CSNK1G3: variants seen among roughly 807,000 people sequenced by gnomAD.
CSNK1G3 encodes the protein casein kinase I isoform gamma-3.
CSNK1G3 carries 23 observed loss-of-function variants against 64.3 expected under a neutral mutation model. The observed-to-expected ratio is 0.36, with a 90% CI of 0.26 to 0.51. The LOEUF (loss-of-function observed/expected upper bound fraction) is 0.51, where lower values mean the gene tolerates loss of function less well. CSNK1G3 is among the 20% of genes least tolerant of loss of function. The pLI is 0.96. For missense variants in CSNK1G3, 357 were observed against 510.5 expected (o/e 0.70, Z 2.90); for synonymous variants, 158 against 162.2 (o/e 0.97, Z 0.20).
At chr5:123,578,050 A>G (rs1252310474) in intron 6 of CSNK1G3, among the ~76,000 whole-genome samples, 2 of 151,896 alleles carry the variant, frequency 1.3e-5, no homozygotes, top group Non-Finnish European at 2.9e-5. Context: ...TTCTTTTTTA[A>G]TGCTAAGTAA....
chr5:123,604,468 G>C (rs896377321), intron 10 of CSNK1G3, among the ~76,000 whole-genome samples: 11 of 151,924 alleles, frequency 7.2e-5, no homozygotes, highest in African/African-American at 2.4e-4. Context: ...GGAGACAGAA[G>C]ACACAGATTT....
At chr5:123,551,265 A>G (rs1581072907) in intron 2 of CSNK1G3, among the ~76,000 whole-genome samples, 1 of 152,226 alleles carries the variant, frequency 6.6e-6, no homozygotes, top group Admixed American at 6.5e-5. Flanking sequence ...TTTACTGCCA[A>G]GTTTACTAGA....
intron 4 of CSNK1G3, among the ~76,000 whole-genome samples, chr5:123,571,534 G>C (rs927939185): frequency 6.6e-6 from 1 of 152,094 alleles, no homozygotes; most frequent in African/African-American, 2.4e-5. Context: ...TAATAGATAA[G>C]TAAACTGAGG....
chr5:123,556,628 T>A (rs1465789811), intron 3 of CSNK1G3, among the ~76,000 whole-genome samples: 1 of 152,084 alleles, frequency 6.6e-6, no homozygotes, highest in African/African-American at 2.4e-5. Flanking sequence ...TTTTTGAAAT[T>A]TTCTATTACC....
chr5:123,542,583 T>G (rs1781845652), intron 1 of CSNK1G3, among the ~76,000 whole-genome samples: 2 of 152,200 alleles, frequency 1.3e-5, no homozygotes, highest in African/African-American at 4.8e-5. Flanking sequence ...ATGGCTTTTT[T>G]TCTCCCTGTT....
intron 4 of CSNK1G3, 152 bp downstream of exon 4, chr5:123,557,716 TTTTA>T (rs1784898539): frequency 3.6e-6 from 2 of 562,002 alleles, no homozygotes; most frequent in African/African-American, 2.0e-5. Flanking sequence ...AGGATCCCTT[TTTTA>T]TTTTATGACA....
chr5:123,538,827 G>C (rs1470121833), intron 1 of CSNK1G3, among the ~76,000 whole-genome samples: 2 of 152,042 alleles, frequency 1.3e-5, no homozygotes, highest in East Asian at 3.8e-4. Flanking sequence ...GTTTGTATTT[G>C]TTTTTTAAAG....
At chr5:123,610,847 G>C (rs772633862) in intron 12 of CSNK1G3, among the ~76,000 whole-genome samples, 3 of 152,098 alleles carry the variant, frequency 2.0e-5, no homozygotes, top group African/African-American at 7.2e-5. Flanking sequence ...CCAGCTCGGC[G>C]CCTGTAGTCC....
At chr5:123,585,842 A>G (rs1487203620) in intron 6 of CSNK1G3, among the ~76,000 whole-genome samples, 1 of 152,254 alleles carries the variant, frequency 6.6e-6, no homozygotes, top group African/African-American at 2.4e-5. Context: ...CATTGCTGGT[A>G]GAAATGTGAA....
chr5:123,516,672 T>G (rs1012342895), intron 1 of CSNK1G3, among the ~76,000 whole-genome samples: 2 of 152,226 alleles, frequency 1.3e-5, no homozygotes, highest in African/African-American at 4.8e-5. Flanking sequence ...TCGCTTTGTT[T>G]ACCAATGATA....
intron 1 of CSNK1G3, among the ~76,000 whole-genome samples, chr5:123,526,879 TGTATGA>T (rs1394848739): frequency 1.1e-5 from 1 of 93,416 alleles, no homozygotes; most frequent in African/African-American, 5.5e-5. Context: ...TGTGTGTGTG[TGTATGA>T]ACATAATTTT....
At chr5:123,552,552 G>C (rs1783893975) in intron 2 of CSNK1G3, among the ~76,000 whole-genome samples, 2 of 152,076 alleles carry the variant, frequency 1.3e-5, no homozygotes, top group African/African-American at 4.8e-5. Context: ...TTTGTTGTAA[G>C]GTGAGGCACC....
exon 6 of CSNK1G3, chr5:123,575,884 G>T: frequency 6.2e-7 from 1 of 1,613,564 alleles, no homozygotes; most frequent in South Asian, 1.1e-5. Flanking sequence ...CGGAGACAAA[G>T]AAACACATAC....
intron 1 of CSNK1G3, among the ~76,000 whole-genome samples, chr5:123,522,084 A>T (rs1019331809): frequency 1.4e-4 from 21 of 152,158 alleles, no homozygotes; most frequent in African/African-American, 4.3e-4. Flanking sequence ...TTAAAATTTG[A>T]GGTGGAGGTA....
intron 12 of CSNK1G3, among the ~76,000 whole-genome samples, chr5:123,609,312 T>C (rs1795901696): frequency 6.6e-6 from 1 of 152,172 alleles, no homozygotes. Context: ...CTTATGTCAC[T>C]TCCTGGGGTT....
chr5:123,594,543 G>A (rs904490962), intron 10 of CSNK1G3, among the ~76,000 whole-genome samples: 7 of 152,112 alleles, frequency 4.6e-5, no homozygotes, highest in Non-Finnish European at 7.4e-5. Context: ...TCAGAAATGG[G>A]GGACTAAGCA....
At chr5:123,598,980 T>C (rs1561607710) in intron 10 of CSNK1G3, among the ~76,000 whole-genome samples, 1 of 152,148 alleles carries the variant, frequency 6.6e-6, no homozygotes, top group African/African-American at 2.4e-5. Flanking sequence ...AAGGAAAAGT[T>C]CAGTTGTTAC....
chr5:123,555,498 A>G (rs1018400831), intron 3 of CSNK1G3, among the ~76,000 whole-genome samples: 4 of 152,176 alleles, frequency 2.6e-5, no homozygotes, highest in Non-Finnish European at 4.4e-5. Context: ...AAATAAAGGC[A>G]TTATTTGATA....
intron 4 of CSNK1G3, among the ~76,000 whole-genome samples, chr5:123,559,326 T>G (rs1697053355): frequency 6.6e-6 from 1 of 152,148 alleles, no homozygotes; most frequent in Admixed American, 6.6e-5. Context: ...AGTGGTTTAG[T>G]TAGAAATGAG....
Sources: gnomAD v4.1 joint callset for allele counts (sites outside exome capture counted in the v4.1 genomes callset) on GRCh38, gnomAD v4.1.1 for gene constraint, MANE v1.5 for transcripts, NCBI Gene and HGNC (gene_info 2026-07-23, HGNC 2026-07-21) for gene names.